Variants in SPHKAP observed in about 807,000 individuals in gnomAD.
The protein encoded by SPHKAP is A-kinase anchor protein SPHKAP.
SPHKAP carries 67 observed loss-of-function variants against 137.5 expected under a neutral mutation model. That is an observed-to-expected ratio of 0.49 (90% confidence interval 0.40 to 0.60). The LOEUF is 0.60. Ranked by LOEUF, SPHKAP falls within the 20% of genes least tolerant of loss-of-function variation. The pLI, the probability that SPHKAP is intolerant of heterozygous loss-of-function variation, is 0.00. For synonymous variants in SPHKAP, 813 were observed against 785.3 expected (o/e 1.04, Z -0.59); for missense variants, 2,097 against 2,069.3 (o/e 1.01, Z -0.26).
intron 3 of SPHKAP, among the ~76,000 whole-genome samples, chr2:228,031,431 C>T (rs1425601329): frequency 6.6e-6 from 1 of 152,242 alleles, no homozygotes; most frequent in Non-Finnish European, 1.5e-5. Flanking sequence ...GTAGGCTCCA[C>T]CTCTGGGGGC....
intron 2 of SPHKAP, among the ~76,000 whole-genome samples, chr2:228,115,187 T>C (rs912806777): frequency 3.3e-5 from 5 of 152,132 alleles, no homozygotes; most frequent in African/African-American, 9.7e-5. Context: ...TCCTTATCGT[T>C]TGCAGAGTCT....
intron 1 of SPHKAP, among the ~76,000 whole-genome samples, chr2:228,136,046 C>T (rs1326959761): frequency 1.3e-5 from 2 of 152,114 alleles, no homozygotes; most frequent in African/African-American, 4.8e-5. Context: ...ATGATGCTGT[C>T]CGTGATCTCT....
chr2:228,025,612 A>T, intron 4 of SPHKAP, 84 bp from the exon 5 acceptor site: 1 of 1,506,472 alleles, frequency 6.6e-7, no homozygotes, highest in South Asian at 1.2e-5. Context: ...CAGAAATAAT[A>T]CTCATAACTG....
rs761021804 is a variant in SPHKAP at position 228,019,178 on chromosome 2, C to T, written c.1676G>A (p.Cys559Tyr). 6.2e-7 allele frequency: 1 copy of T among 1,613,788 alleles called. No homozygotes were observed. The highest frequency in any genetic ancestry group is 2.2e-5 in the East Asian group (1 of 44,870). The change falls in exon 7 of 12, where the codon TGT (cysteine) becomes TAT (tyrosine). Residue 559 changes from cysteine (C) to tyrosine (Y), a missense_variant. By Grantham distance (194) the Cys-to-Tyr change is radical. Coordinates refer to ENST00000392056, the MANE Select transcript of SPHKAP (RefSeq NM_001142644.2). Reference protein sequence around the residue: ...INEYSFPSALCGMTQVASAVA... With the variant: ...INEYSFPSALYGMTQVASAVA... ...GGCACTGGCCACCTGAGTCATGCCA[C>T]ACAAAGCAGATGGAAAGGAGTACTC...
chr2:228,057,498 G>T (rs1008268373), intron 3 of SPHKAP, among the ~76,000 whole-genome samples: 1 of 152,124 alleles, frequency 6.6e-6, no homozygotes, highest in African/African-American at 2.4e-5. Flanking sequence ...GAGTCTTCAG[G>T]GGGTGTGTGC....
intron 2 of SPHKAP, chr2:228,131,315 C>G: frequency 1.0e-6 from 1 of 985,098 alleles, no homozygotes; most frequent in Non-Finnish European, 1.2e-6. Context: ...ATATACTTCC[C>G]TGGAATTCAG....
In SPHKAP at chr2:227,981,638, G is replaced by A. The variant is rs1692996922; in HGVS notation, c.*79C>T. ...TAATGTGATGTGATGTTTTGAGAAT[G>A]TTTAGAGCATTTAGAACAAACCACT... On this transcript the variant is annotated 3_prime_UTR_variant, in exon 12 of 12. Transcript: ENST00000392056. 1.3e-6 allele frequency: 2 copies of A among 1,501,164 alleles called. No homozygotes were observed. The highest frequency in any genetic ancestry group is 1.3e-5 in the South Asian group (1 of 74,892). The allele number at this position is 1,501,164 out of a possible 1,614,324, so 93.0% of individuals were successfully genotyped here. A position where few individuals can be genotyped will look rare whatever the true frequency, so the allele number is the denominator to read the frequency against.
intron 3 of SPHKAP, among the ~76,000 whole-genome samples, chr2:228,066,438 T>C (rs192649289): frequency 2.0e-5 from 3 of 152,326 alleles, no homozygotes; most frequent in African/African-American, 7.2e-5. Flanking sequence ...TGACACAAGG[T>C]AATTCATTTT....
At chr2:228,120,881 G>A (rs746330756) in intron 2 of SPHKAP, among the ~76,000 whole-genome samples, 4 of 152,152 alleles carry the variant, frequency 2.6e-5, no homozygotes, top group Non-Finnish European at 5.9e-5. Context: ...TATAATTTAT[G>A]AATGATCAGC....
At chr2:228,173,540 A>G (rs1160675266) in intron 1 of SPHKAP, among the ~76,000 whole-genome samples, 1 of 152,166 alleles carries the variant, frequency 6.6e-6, no homozygotes, top group Non-Finnish European at 1.5e-5. Flanking sequence ...GTGATGGGAG[A>G]AAAGGACTCA....
intron 1 of SPHKAP, among the ~76,000 whole-genome samples, chr2:228,174,988 A>G (rs1349273485): frequency 6.6e-6 from 1 of 151,400 alleles, no homozygotes; most frequent in Non-Finnish European, 1.5e-5. Flanking sequence ...GAGCTTAAAG[A>G]TAGGTCAATA....
intron 3 of SPHKAP, among the ~76,000 whole-genome samples, chr2:228,066,447 T>A (rs1414080784): frequency 4.6e-5 from 7 of 152,216 alleles, no homozygotes; most frequent in African/African-American, 1.4e-4. Context: ...GTAATTCATT[T>A]TCTAGAAAAT....
intron 11 of SPHKAP, among the ~76,000 whole-genome samples, chr2:227,989,592 T>C (rs1208663355): frequency 6.6e-6 from 1 of 152,012 alleles, no homozygotes; most frequent in African/African-American, 2.4e-5. Context: ...ACCTATCAGG[T>C]GATTATAATC....
intron 1 of SPHKAP, among the ~76,000 whole-genome samples, chr2:228,142,308 C>T (rs1699630178): frequency 6.6e-6 from 1 of 151,654 alleles, no homozygotes; most frequent in South Asian, 2.1e-4. Flanking sequence ...TTTTGTTGCT[C>T]TCTGAAATTA....
In SPHKAP at chr2:228,132,005, C is replaced by G; in HGVS notation, c.113G>C (p.Gly38Ala). Residue 38 changes from glycine to alanine, a missense_variant, in exon 2 of 12, where the codon GGG becomes GCG. By Grantham distance (60) the Gly-to-Ala change is moderately conservative. Transcript: ENST00000392056. ...CTTCTTACAGGCTGTGATGGAGTTC[C>G]CCGGGCCGCTTCCTGAGCTGCCACA... Reference protein sequence around the residue: ...RGCGSSGSGPGNSITACKKVL... With the variant: ...RGCGSSGSGPANSITACKKVL... The G allele has an allele frequency of 6.2e-7, 1 of 1,614,024 alleles. No individual in the cohort carries two copies. The highest frequency in any genetic ancestry group is 8.5e-7 in the Non-Finnish European group (1 of 1,179,956).
intron 7 of SPHKAP, among the ~76,000 whole-genome samples, chr2:227,998,206 A>T (rs1693707852): frequency 6.6e-6 from 1 of 152,038 alleles, no homozygotes; most frequent in South Asian, 2.1e-4. Flanking sequence ...AGGATTTGCC[A>T]TGTTGGCTGG....
chr2:228,031,687 G>A (rs1030133701), intron 3 of SPHKAP, among the ~76,000 whole-genome samples: 29 of 152,204 alleles, frequency 1.9e-4, no homozygotes, highest in African/African-American at 5.5e-4. Context: ...AGAACGATCA[G>A]GCAGCAGCAT....
chr2:228,062,134 G>C (rs1318712858), intron 3 of SPHKAP, among the ~76,000 whole-genome samples: 1 of 151,356 alleles, frequency 6.6e-6, no homozygotes, highest in Non-Finnish European at 1.5e-5. Context: ...TTGCATTTCT[G>C]TAGGTCAACC....
intron 1 of SPHKAP, among the ~76,000 whole-genome samples, chr2:228,134,745 G>T (rs1471950746): frequency 6.6e-6 from 1 of 152,196 alleles, no homozygotes; most frequent in Non-Finnish European, 1.5e-5. Flanking sequence ...AGTTCAGAGA[G>T]ACAGGATGTA....
Sources: allele counts gnomAD v4.1 joint callset (sites outside exome capture counted in the v4.1 genomes callset), GRCh38; gene constraint gnomAD v4.1.1; transcripts MANE v1.5; gene names NCBI Gene and HGNC (gene_info 2026-07-23, HGNC 2026-07-21).